The following GOLGA7 variants were observed in gnomAD, a reference collection of about 807,000 sequenced individuals.
GOLGA7 encodes the protein golgin subfamily A member 7.
A neutral mutation model predicts 21.1 loss-of-function variants in GOLGA7; 10 were observed. That is an observed-to-expected ratio of 0.47 (90% CI 0.29 to 0.80). GOLGA7 has a LOEUF of 0.80. Among genes scored for constraint, GOLGA7 ranks in the 30% least tolerant of loss-of-function variants. GOLGA7 has a pLI of 0.08. For synonymous variants in GOLGA7, 64 were observed against 62.6 expected, an observed-to-expected ratio of 1.02 and a Z score of -0.10; for missense variants, 114 against 166.8, an observed-to-expected ratio of 0.68 and a Z score of 1.74.
chr8:41,506,171 A>ATT (rs35456080), intron 3 of GOLGA7, among the ~76,000 whole-genome samples, 159 bp downstream of exon 3: 3 of 150,554 alleles, frequency 2.0e-5, no homozygotes, highest in Admixed American at 6.6e-5. Flanking sequence ...TGTCTCCAAC[A>ATT]TTTTTTTTTA....
chr8:41,491,047 G>A, intron 1 of GOLGA7, 82 bp downstream of exon 1: 2 of 814,104 alleles, frequency 2.5e-6, no homozygotes, highest in Non-Finnish European at 4.2e-6. Flanking sequence ...CGACAACCGG[G>A]CCTTTGAGGG....
At chr8:41,504,699 T>C (rs1045129758) in intron 2 of GOLGA7, among the ~76,000 whole-genome samples, 1 of 152,258 alleles carries the variant, frequency 6.6e-6, no homozygotes, top group East Asian at 1.9e-4. Context: ...ATGAGATTTT[T>C]TTATCCCCAA....
At position 41,510,747 on chromosome 8, in the gene GOLGA7, T is replaced by A. The variant is rs1251180977; in HGVS notation, c.*1179T>A. The A allele has an allele frequency of 6.5e-6, 1 of 152,798 alleles. No individual in the cohort carries two copies. The highest frequency in any genetic ancestry group is 1.5e-5 in the Non-Finnish European group (1 of 68,172). The allele number at this position is 152,798 out of a possible 1,614,324, so 9.5% of individuals were successfully genotyped here. ...AAAATACATTAGGAGAGAGAAACCA[T>A]TAAAAGTTTCACTGTCAGATATATT... On this transcript the variant is annotated 3_prime_UTR_variant, in exon 5 of 5. Coordinates refer to ENST00000357743, the MANE Select transcript of GOLGA7 (RefSeq NM_001002296.2).
At chr8:41,494,097 C>G (rs59856486) in intron 1 of GOLGA7, among the ~76,000 whole-genome samples, 1 of 152,016 alleles carries the variant, frequency 6.6e-6, no homozygotes, top group African/African-American at 2.4e-5. Context: ...TTTTTATTAA[C>G]CTTTTTTTGT....
intron 2 of GOLGA7, among the ~76,000 whole-genome samples, chr8:41,498,285 T>C (rs989936582): frequency 2.6e-5 from 4 of 152,244 alleles, no homozygotes; most frequent in Non-Finnish European, 4.4e-5. Context: ...ACTTGTCTCA[T>C]TTCTTCCCTC....
chr8:41,494,162 C>T (rs982221543), intron 1 of GOLGA7, among the ~76,000 whole-genome samples: 6 of 151,944 alleles, frequency 3.9e-5, no homozygotes, highest in African/African-American at 1.5e-4. Context: ...ATTGTAATCT[C>T]GGAATAACGC....
chr8:41,493,745 T>G (rs1805941232), intron 1 of GOLGA7, among the ~76,000 whole-genome samples: 1 of 152,202 alleles, frequency 6.6e-6, no homozygotes, highest in African/African-American at 2.4e-5. Context: ...TCACAGTAAT[T>G]CTGGGAAAAT....
chr8:41,499,119 A>G (rs1806088579), intron 2 of GOLGA7, among the ~76,000 whole-genome samples: 3 of 152,196 alleles, frequency 2.0e-5, no homozygotes, highest in Admixed American at 2.0e-4. Context: ...TGAAACAGGA[A>G]AAGTTCTCTT....
chr8:41,498,485 C>G (rs1274120142), intron 2 of GOLGA7, among the ~76,000 whole-genome samples: 2 of 152,192 alleles, frequency 1.3e-5, no homozygotes, highest in East Asian at 3.8e-4. Flanking sequence ...TCACTTTCTC[C>G]CTCAGCCAAA....
intron 1 of GOLGA7, among the ~76,000 whole-genome samples, chr8:41,497,133 C>T (rs548119305): frequency 1.3e-5 from 2 of 151,320 alleles, no homozygotes; most frequent in African/African-American, 4.9e-5. Context: ...TTTATGTTTA[C>T]ATTGCCTGTT....
At chr8:41,503,511 G>C (rs1806200699) in intron 2 of GOLGA7, among the ~76,000 whole-genome samples, 1 of 87,710 alleles carries the variant, frequency 1.1e-5, no homozygotes. Context: ...GAATGGTAAT[G>C]CCTAGGTTTT....
chr8:41,501,535 C>T (rs1806149919), intron 2 of GOLGA7, among the ~76,000 whole-genome samples: 1 of 151,974 alleles, frequency 6.6e-6, no homozygotes, highest in Non-Finnish European at 1.5e-5. Context: ...TGAGTCACTG[C>T]ACCCAGCACT....
intron 2 of GOLGA7, among the ~76,000 whole-genome samples, chr8:41,504,589 A>G (rs765575314): frequency 6.6e-6 from 1 of 152,238 alleles, no homozygotes; most frequent in Admixed American, 6.5e-5. Context: ...GATGAAAAAA[A>G]CAAATCTTTT....
At chr8:41,507,003 T>TC in intron 3 of GOLGA7, 56 bp from the exon 4 acceptor site, 2 of 835,114 alleles carry the variant, frequency 2.4e-6, no homozygotes, top group Non-Finnish European at 4.2e-6. Flanking sequence ...CCTTGCCAAG[T>TC]CCCCCTTTGT....
chr8:41,494,788 T>G (rs1376805652), intron 1 of GOLGA7, among the ~76,000 whole-genome samples: 1 of 152,234 alleles, frequency 6.6e-6, no homozygotes, highest in Non-Finnish European at 1.5e-5. Flanking sequence ...CTTTAAAGTT[T>G]GCATTAAATT....
rs1313262844 is a variant in GOLGA7, at chr8:41,509,758, A to C, written c.*190A>C. 1 of 152,622 alleles carries C rather than the reference A, an allele frequency of 6.6e-6. No individual in the cohort carries two copies. 9.5% of individuals were successfully genotyped at this position (152,622 alleles called of 1,614,324 possible). A position where few individuals can be genotyped will look rare whatever the true frequency, so the allele number is the denominator to read the frequency against. On this transcript the variant is annotated 3_prime_UTR_variant, in exon 5 of 5. Transcript: ENST00000357743. ...AGTGACCTCTAGTCGCTCAGCATCC[A>C]CTTTGTGTCTCCAAATTGTGTAGGA...
intron 2 of GOLGA7, among the ~76,000 whole-genome samples, chr8:41,504,270 C>A (rs1441826189): frequency 5.3e-5 from 8 of 152,120 alleles, no homozygotes; most frequent in Admixed American, 4.6e-4. Context: ...GGAATCCTTT[C>A]TTTGAAACCA....
At chr8:41,495,502 C>A (rs7000316) in intron 1 of GOLGA7, among the ~76,000 whole-genome samples, 88,208 of 151,130 alleles carry the variant, frequency 0.58, 26,918 homozygotes, top group South Asian at 0.78. Flanking sequence ...CCAGGCTGGT[C>A]TCAAACTCCT....
At chr8:41,504,128 A>AAAAC (rs1806220326) in intron 2 of GOLGA7, among the ~76,000 whole-genome samples, 1 of 116,258 alleles carries the variant, frequency 8.6e-6, no homozygotes, top group Non-Finnish European at 1.8e-5. Flanking sequence ...AATAAAAAAA[A>AAAAC]AAAAAAAACA....
Sources: allele counts gnomAD v4.1 joint callset (sites outside exome capture counted in the v4.1 genomes callset), GRCh38; gene constraint gnomAD v4.1.1; transcripts MANE v1.5; gene names NCBI Gene and HGNC (gene_info 2026-07-23, HGNC 2026-07-21).